EXOC4: variants seen among roughly 807,000 people sequenced by gnomAD.
The protein encoded by EXOC4 is exocyst complex component 4, also known as SEC8-like 1.
EXOC4 carries 71 observed loss-of-function variants against 107.2 expected under a neutral mutation model. The observed-to-expected ratio is 0.66, with a 90% confidence interval of 0.55 to 0.81. EXOC4 has a LOEUF of 0.81. EXOC4 is among the 30% of genes least tolerant of loss of function. The probability of loss-of-function intolerance (pLI) is 0.00; values close to 1 mark genes in which losing one functional copy is unlikely to be tolerated. For missense variants in EXOC4, 1,108 were observed against 1,189.6 expected, an observed-to-expected ratio of 0.93 and a Z score of 1.01; for synonymous variants, 456 against 441.2, an observed-to-expected ratio of 1.03 and a Z score of -0.42.
chr7:133,317,686 C>A (rs1446131270), intron 5 of EXOC4, among the ~76,000 whole-genome samples: 1 of 151,484 alleles, frequency 6.6e-6, no homozygotes, highest in Non-Finnish European at 1.5e-5. Flanking sequence ...TTCTTTCTTT[C>A]TTTCTTTTTT....
the EXOC4 span, among the ~76,000 whole-genome samples, chr7:134,096,522 A>G: frequency 6.6e-6 from 1 of 152,182 alleles, no homozygotes; most frequent in Non-Finnish European, 1.5e-5. Flanking sequence ...AAGTCCCACA[A>G]TAGGCCATCT....
At chr7:133,606,904 T>G (rs940660469) in intron 9 of EXOC4, among the ~76,000 whole-genome samples, 9 of 152,272 alleles carry the variant, frequency 5.9e-5, no homozygotes, top group African/African-American at 1.9e-4. Flanking sequence ...TTTCTTTCTC[T>G]TCTCCCTAAA....
At chr7:134,064,160 C>G (rs1240173386) in intron 17 of EXOC4, 131 bp from the exon 18 acceptor site, 12 of 526,474 alleles carry the variant, frequency 2.3e-5, no homozygotes, top group Non-Finnish European at 3.8e-5. Context: ...TTGGTGGGGC[C>G]TAGAACACTG....
At chr7:133,308,286 A>G (rs148182285) in intron 4 of EXOC4, among the ~76,000 whole-genome samples, 366 of 152,306 alleles carry the variant, frequency 2.4e-3, no homozygotes, top group Non-Finnish European at 3.7e-3. Flanking sequence ...AATCCCTGGT[A>G]CCTCAGATTA....
downstream of EXOC4, among the ~76,000 whole-genome samples, chr7:134,071,488 G>A (rs914412486): frequency 2.0e-5 from 3 of 152,208 alleles, no homozygotes; most frequent in Non-Finnish European, 4.4e-5. Flanking sequence ...AACAAGGAGG[G>A]GGTTAAGGTC....
chr7:133,842,323 CTTT>C (rs1007798334), intron 11 of EXOC4, among the ~76,000 whole-genome samples: 7 of 152,226 alleles, frequency 4.6e-5, no homozygotes, highest in African/African-American at 1.7e-4. Flanking sequence ...CTGTTATTGA[CTTT>C]TTAGTAGTAG....
rs184325371 is a variant in EXOC4, at chr7:133,945,065, C to T, written c.2206+6996C>T. Among the ~76,000 whole-genome samples the T allele has an allele frequency of 1.8e-3, 272 of 152,148 alleles. 1 individual carries two copies. Among genetic ancestry groups the T allele is most frequent in the Non-Finnish European group, 2.9e-3 (200 of 67,998 alleles). On this transcript the variant is annotated intron_variant, in intron 14 of 17. Coordinates refer to ENST00000253861, the MANE Select transcript of EXOC4 (RefSeq NM_021807.4). Reference sequence around the variant, plus strand: ...TTTAGAGTAGAATACCTCATAATACCGAGCTGCACATCAGTTATAATCAGT... The same window carrying T: ...TTTAGAGTAGAATACCTCATAATACTGAGCTGCACATCAGTTATAATCAGT...
rs1215239234 is a variant in EXOC4 at position 133,414,047 on chromosome 7, A to G, written c.1182+39045A>G. On this transcript the variant is annotated intron_variant, in intron 7 of 17. Coordinates refer to ENST00000253861, the MANE Select transcript of EXOC4 (RefSeq NM_021807.4). ...TTAAAACAAAACAAAATGATAGACC[A>G]CAGACTGGTTGTATGTATTTGTAAC... Among the ~76,000 whole-genome samples, 4 of 152,206 alleles carry G rather than the reference A, an allele frequency of 2.6e-5. No homozygotes were observed. The East Asian group carries it at 7.7e-4, about 29-fold the overall frequency.
chr7:133,269,163 A>G (rs943618796), intron 1 of EXOC4, among the ~76,000 whole-genome samples: 1 of 152,132 alleles, frequency 6.6e-6, no homozygotes, highest in Non-Finnish European at 1.5e-5. Context: ...CAAGACTGTT[A>G]TTACTAAAAA....
chr7:133,677,035 C>G (rs1794078721), intron 10 of EXOC4, among the ~76,000 whole-genome samples: 1 of 150,460 alleles, frequency 6.6e-6, no homozygotes, highest in South Asian at 2.1e-4. Flanking sequence ...TTTATTCTGA[C>G]AGTCATTCTT....
intron 10 of EXOC4, among the ~76,000 whole-genome samples, chr7:133,658,835 T>C (rs192998795): frequency 1.6e-4 from 24 of 152,192 alleles, no homozygotes; most frequent in Admixed American, 9.2e-4. Context: ...TCTCAATGCA[T>C]AGTTTATGGA....
chr7:133,487,393 A>G (rs1365288611), intron 9 of EXOC4, among the ~76,000 whole-genome samples: 1 of 152,214 alleles, frequency 6.6e-6, no homozygotes, highest in Admixed American at 6.5e-5. Flanking sequence ...CTCTACATTT[A>G]TATTATATGG....
At chr7:133,543,846 T>G (rs189920613) in intron 9 of EXOC4, among the ~76,000 whole-genome samples, 3 of 152,328 alleles carry the variant, frequency 2.0e-5, no homozygotes, top group Admixed American at 6.5e-5. Context: ...TTGAGTCATC[T>G]TGACAGTGCT....
chr7:134,008,941 T>A (rs1235432033), intron 17 of EXOC4, among the ~76,000 whole-genome samples: 1 of 152,180 alleles, frequency 6.6e-6, no homozygotes, highest in Non-Finnish European at 1.5e-5. Flanking sequence ...TTGATCTCAA[T>A]TTTTAATGTT....
intron 3 of EXOC4, among the ~76,000 whole-genome samples, chr7:133,293,718 A>G (rs1488886760): frequency 6.6e-6 from 1 of 152,184 alleles, no homozygotes; most frequent in African/African-American, 2.4e-5. Context: ...AAATAATTAA[A>G]TTGTCATGAC....
rs781478736 is a variant in EXOC4 at position 133,317,342 on chromosome 7, C to T, written c.715C>T (p.Arg239Ter). Residue 239 changes from arginine to a stop codon, truncating the protein, a stop_gained, in exon 5 of 18, where the codon CGA becomes TGA. Transcript: ENST00000253861. LOFTEE classifies it high-confidence loss of function. The part of the protein sequence containing the change: ...LIDVTNLPTP[R>*]KFLDTSHYST... ...TGATGTTACAAACCTCCCTACTCCT[C>T]GAAAATTCCTTGATACCTCTCACTA... is the stretch of plus-strand genomic sequence containing the variant. 10 of 1,613,506 alleles carry T rather than the reference C, an allele frequency of 6.2e-6. No homozygotes were observed. Among genetic ancestry groups the T allele is most frequent in the Admixed American group, 3.3e-5 (2 of 59,982 alleles).
intron 7 of EXOC4, among the ~76,000 whole-genome samples, chr7:133,402,969 C>T (rs1171282392): frequency 6.7e-6 from 1 of 149,904 alleles, no homozygotes; most frequent in Non-Finnish European, 1.5e-5. Context: ...ACTGCAACCT[C>T]TGACTCCCTG....
At chr7:134,051,999 G>GA (rs61245865) in intron 17 of EXOC4, among the ~76,000 whole-genome samples, 99,247 of 150,876 alleles carry the variant, frequency 0.66, 33,254 homozygotes, top group East Asian at 0.79. Flanking sequence ...AAAAAAGAAA[G>GA]AAAAAAAAAT....
At chr7:133,990,410 C>G (rs567928948) in intron 14 of EXOC4, among the ~76,000 whole-genome samples, 1 of 152,132 alleles carries the variant, frequency 6.6e-6, no homozygotes, top group Non-Finnish European at 1.5e-5. Flanking sequence ...AATATGATGA[C>G]CTTCAGTTCC....
Sources: allele counts gnomAD v4.1 joint callset (sites outside exome capture counted in the v4.1 genomes callset), GRCh38; gene constraint gnomAD v4.1.1; transcripts MANE v1.5; gene names NCBI Gene and HGNC (gene_info 2026-07-23, HGNC 2026-07-21).